The following CTNNA3 variants were observed in gnomAD, a reference collection of about 807,000 sequenced individuals.
CTNNA3 encodes catenin alpha 3.
A neutral mutation model predicts 95.7 loss-of-function variants in CTNNA3; 76 were observed. The observed-to-expected ratio is 0.79, with a 90% CI of 0.66 to 0.96. The LOEUF is 0.96. CTNNA3 is among the 40% of genes least tolerant of loss of function. CTNNA3 has a pLI of 0.00. For synonymous variants in CTNNA3, 431 were observed against 374.4 expected (o/e 1.15, Z -1.74); for missense variants, 1,191 against 1,089.8 (o/e 1.09, Z -1.31).
At chr10:66,353,278 G>A (rs1331209104) in intron 12 of CTNNA3, among the ~76,000 whole-genome samples, 1 of 152,014 alleles carries the variant, frequency 6.6e-6, no homozygotes, top group Non-Finnish European at 1.5e-5. Flanking sequence ...CATTGCTACA[G>A]TATCAGATTC....
chr10:66,561,297 C>A (rs934279379), intron 10 of CTNNA3, among the ~76,000 whole-genome samples: 2 of 152,028 alleles, frequency 1.3e-5, no homozygotes, highest in Non-Finnish European at 2.9e-5. Context: ...GAGGGCAAGA[C>A]AATGGGCAAA....
chr10:67,738,859 G>A (rs1799611740), intron 1 of CTNNA3, among the ~76,000 whole-genome samples: 1 of 152,070 alleles, frequency 6.6e-6, no homozygotes, highest in Admixed American at 6.5e-5. Flanking sequence ...AAGATGAAAT[G>A]AATGAAATGA....
At chr10:67,241,798 G>A (rs188995796) in intron 5 of CTNNA3, among the ~76,000 whole-genome samples, 48 of 152,278 alleles carry the variant, frequency 3.2e-4, no homozygotes, top group African/African-American at 1.1e-3. Flanking sequence ...AGAAGAAATG[G>A]ACATTTGTCA....
intron 11 of CTNNA3, among the ~76,000 whole-genome samples, chr10:66,408,976 T>C (rs1171745262): frequency 6.6e-6 from 1 of 152,172 alleles, no homozygotes. Flanking sequence ...TCAAAGAGCA[T>C]TGGCATACTT....
intron 11 of CTNNA3, among the ~76,000 whole-genome samples, chr10:66,410,149 C>T (rs4746573): frequency 0.25 from 37,734 of 152,098 alleles, 4,845 homozygotes; most frequent in South Asian, 0.37. Context: ...TTCAGGAAAG[C>T]TTTATAAGTA....
chr10:67,226,490 T>C (rs1020106245), intron 5 of CTNNA3, among the ~76,000 whole-genome samples: 1 of 152,100 alleles, frequency 6.6e-6, no homozygotes, highest in Non-Finnish European at 1.5e-5. Flanking sequence ...CCAGGTAACC[T>C]ACAAAGGAAA....
At chr10:67,722,344 T>C (rs1474910063) in intron 1 of CTNNA3, among the ~76,000 whole-genome samples, 1 of 152,190 alleles carries the variant, frequency 6.6e-6, no homozygotes, top group African/African-American at 2.4e-5. Flanking sequence ...GCTCTAGTTT[T>C]TGTTCCCCTT....
chr10:67,097,123 G>T (rs1222515778), intron 7 of CTNNA3, among the ~76,000 whole-genome samples: 1 of 151,730 alleles, frequency 6.6e-6, no homozygotes, highest in Non-Finnish European at 1.5e-5. Flanking sequence ...TGGGTGGCAG[G>T]GGGTTGACTA....
At chr10:67,437,076 T>C (rs1846327986) in intron 5 of CTNNA3, among the ~76,000 whole-genome samples, 1 of 152,162 alleles carries the variant, frequency 6.6e-6, no homozygotes, top group Admixed American at 6.5e-5. Flanking sequence ...CCAATGCAAA[T>C]GCCCATCAAT....
chr10:67,105,784 G>T (rs1330228549), intron 7 of CTNNA3, among the ~76,000 whole-genome samples: 1 of 152,160 alleles, frequency 6.6e-6, no homozygotes, highest in Non-Finnish European at 1.5e-5. Context: ...AAAAGCCTGA[G>T]AGCCCATACC....
chr10:66,827,262 G>A (rs1842548754), intron 7 of CTNNA3, among the ~76,000 whole-genome samples: 1 of 152,020 alleles, frequency 6.6e-6, no homozygotes, highest in African/African-American at 2.4e-5. Flanking sequence ...TGTCCTGCTG[G>A]CTATGATGCT....
At chr10:67,272,594 A>C (rs950683128) in intron 5 of CTNNA3, among the ~76,000 whole-genome samples, 1 of 152,164 alleles carries the variant, frequency 6.6e-6, no homozygotes, top group Admixed American at 6.6e-5. Flanking sequence ...TTAAATAAAA[A>C]TCTTAAGCAA....
chr10:66,785,066 C>T (rs373670882), intron 7 of CTNNA3, among the ~76,000 whole-genome samples: 17 of 152,264 alleles, frequency 1.1e-4, no homozygotes, highest in East Asian at 7.7e-4. Flanking sequence ...GACAGCTGGT[C>T]TGGGGTCACC....
intron 11 of CTNNA3, among the ~76,000 whole-genome samples, chr10:66,450,331 G>T (rs1911313): frequency 0.38 from 58,132 of 151,798 alleles, 11,696 homozygotes; most frequent in African/African-American, 0.5. Flanking sequence ...AAATATAGCT[G>T]GGAGAAATAA....
intron 5 of CTNNA3, among the ~76,000 whole-genome samples, chr10:67,490,859 A>AC (rs1421546966): frequency 1.3e-5 from 2 of 152,144 alleles, no homozygotes; most frequent in Admixed American, 6.5e-5. Context: ...ATAAGAAGAA[A>AC]TAAGAAAGGG....
chr10:66,821,484 G>T lies in CTNNA3; in HGVS notation c.1048-45960C>A, dbSNP rs182818903. Reference sequence around the variant, plus strand: ...GAAAGATATAAACTGAGGAATCCAGGTATTCAAGAATTCACCACAGCTGAA... The same window carrying T: ...GAAAGATATAAACTGAGGAATCCAGTTATTCAAGAATTCACCACAGCTGAA... On this transcript the variant is annotated intron_variant, in intron 7 of 17. Transcript: ENST00000433211. Among the ~76,000 whole-genome samples, 12 of 152,182 alleles carry T rather than the reference G, an allele frequency of 7.9e-5. No individual in the cohort carries two copies. The East Asian group carries it at 2.3e-3, about 29-fold the overall frequency.
intron 11 of CTNNA3, among the ~76,000 whole-genome samples, chr10:66,447,522 A>G (rs1225772433): frequency 1.3e-5 from 2 of 150,730 alleles, no homozygotes; most frequent in South Asian, 2.1e-4. Context: ...ATAATGCCAC[A>G]TATCTACAAC....
intron 7 of CTNNA3, among the ~76,000 whole-genome samples, chr10:66,819,100 A>T (rs879705050): frequency 3.0e-4 from 46 of 151,572 alleles, no homozygotes; most frequent in Non-Finnish European, 4.0e-4. Flanking sequence ...CTTAAAAAAA[A>T]AAAAAAAAAA....
intron 13 of CTNNA3, among the ~76,000 whole-genome samples, chr10:66,139,295 G>T (rs79542905): frequency 0.018 from 2,772 of 152,090 alleles, 42 homozygotes; most frequent in South Asian, 0.038. Flanking sequence ...CCCACCCAAG[G>T]CTATAAATTT....
Sources: allele counts gnomAD v4.1 joint callset (sites outside exome capture counted in the v4.1 genomes callset), GRCh38; gene constraint gnomAD v4.1.1; transcripts MANE v1.5; gene names NCBI Gene and HGNC (gene_info 2026-07-23, HGNC 2026-07-21).